EPHA6: variants seen among roughly 807,000 people sequenced by gnomAD.
The protein encoded by EPHA6 is EPH receptor A6.
EPHA6 carries 50 observed loss-of-function variants against 112.0 expected under a neutral mutation model. The observed-to-expected ratio is 0.45, with a 90% CI of 0.36 to 0.56. The LOEUF is 0.56. Among genes scored for constraint, EPHA6 ranks in the 20% least tolerant of loss-of-function variants. The pLI is 0.00. For synonymous variants in EPHA6, 529 were observed against 490.7 expected (o/e 1.08, Z -1.03); for missense variants, 1,280 against 1,417.4 (o/e 0.90, Z 1.56).
rs2036127522 is a variant in EPHA6 at position 97,760,335 on chromosome 3, G to GATATATATATATATATTAT, written c.*11641_*11659dup. 1.9e-5 allele frequency: 3 copies of GATATATATATATATATTAT among 156,314 alleles called. No homozygotes were observed. The highest frequency in any genetic ancestry group is 4.1e-5 in the Non-Finnish European group (3 of 73,210). The allele number at this position is 156,314 out of a possible 1,614,324, so 9.7% of individuals were successfully genotyped here. A position where few individuals can be genotyped will look rare whatever the true frequency, so the allele number is the denominator to read the frequency against. On this transcript the variant is annotated 3_prime_UTR_variant, in exon 18 of 18. Coordinates refer to ENST00000389672, the MANE Select transcript of EPHA6 (RefSeq NM_001080448.3). Reference sequence around the variant, plus strand: ...TTGTGCTTGGTGCTTTGTTTCTGGAGATATATATATATATATTATATATAT... The same window carrying GATATATATATATATATTAT: ...TTGTGCTTGGTGCTTTGTTTCTGGAGATATATATATATATATTATATATATATATATATATTATATATAT...
chr3:97,664,090 G>T (rs1227512749), intron 14 of EPHA6, among the ~76,000 whole-genome samples: 2 of 152,182 alleles, frequency 1.3e-5, no homozygotes, highest in Non-Finnish European at 2.9e-5. Context: ...GACCAGTGAT[G>T]ATGAGCATTT....
intron 3 of EPHA6, among the ~76,000 whole-genome samples, chr3:97,095,788 A>G (rs1287445522): frequency 6.6e-6 from 1 of 151,978 alleles, no homozygotes; most frequent in South Asian, 2.1e-4. Flanking sequence ...CAAGCAAACA[A>G]AAAAACATAT....
chr3:97,635,214 A>C (rs1397364546), intron 13 of EPHA6, among the ~76,000 whole-genome samples: 1 of 152,130 alleles, frequency 6.6e-6, no homozygotes, highest in African/African-American at 2.4e-5. Context: ...GTCCTATAAA[A>C]GAACATAAAG....
chr3:97,267,557 A>G (rs2079728058), intron 5 of EPHA6, among the ~76,000 whole-genome samples: 1 of 152,166 alleles, frequency 6.6e-6, no homozygotes. Context: ...GCATAAACGA[A>G]AAAAATCTTA....
At chr3:97,326,784 G>A (rs140814152) in intron 5 of EPHA6, among the ~76,000 whole-genome samples, 44 of 152,162 alleles carry the variant, frequency 2.9e-4, no homozygotes, top group African/African-American at 9.6e-4. Context: ...ATAGTAGAAG[G>A]CATGGGAAAT....
At chr3:97,356,638 T>G (rs773033465) in intron 5 of EPHA6, among the ~76,000 whole-genome samples, 1 of 152,240 alleles carries the variant, frequency 6.6e-6, no homozygotes, top group Non-Finnish European at 1.5e-5. Context: ...ATGTATAACT[T>G]CACCCTATTG....
chr3:96,983,659 G>C (rs938186428), intron 2 of EPHA6, among the ~76,000 whole-genome samples: 1 of 152,154 alleles, frequency 6.6e-6, no homozygotes, highest in African/African-American at 2.4e-5. Flanking sequence ...TTCCAACTTG[G>C]TTCCATTCTC....
chr3:97,134,229 A>G (rs923708109), intron 3 of EPHA6, among the ~76,000 whole-genome samples: 3 of 152,084 alleles, frequency 2.0e-5, no homozygotes, highest in Middle Eastern at 3.2e-3. Context: ...TCAATATACT[A>G]TTTCTGAAGC....
chr3:97,641,575 T>C (rs1276748235), intron 14 of EPHA6, among the ~76,000 whole-genome samples: 1 of 152,200 alleles, frequency 6.6e-6, no homozygotes, highest in Non-Finnish European at 1.5e-5. Flanking sequence ...CGCAGGATAG[T>C]GGGTGCAGCG....
intron 5 of EPHA6, among the ~76,000 whole-genome samples, chr3:97,333,422 A>C (rs892843060): frequency 6.7e-5 from 10 of 150,302 alleles, no homozygotes; most frequent in African/African-American, 2.4e-4. Flanking sequence ...TGTCATCTGC[A>C]ACCAGAAAGA....
intron 2 of EPHA6, among the ~76,000 whole-genome samples, chr3:96,894,161 A>G (rs2038134587): frequency 6.6e-6 from 1 of 152,152 alleles, no homozygotes; most frequent in Non-Finnish European, 1.5e-5. Flanking sequence ...GGCACAGAAA[A>G]CACCTCAGGG....
chr3:97,549,777 C>A (rs1409280961), intron 11 of EPHA6, among the ~76,000 whole-genome samples: 1 of 152,000 alleles, frequency 6.6e-6, no homozygotes, highest in Non-Finnish European at 1.5e-5. Context: ...TGCTACTGCA[C>A]TCCAGCCTGG....
intron 14 of EPHA6, among the ~76,000 whole-genome samples, chr3:97,653,281 C>A (rs938584103): frequency 5.9e-5 from 9 of 151,752 alleles, no homozygotes; most frequent in Admixed American, 1.3e-4. Context: ...AATTAATATG[C>A]AAAATATGTA....
At chr3:97,464,835 G>T (rs1290816699) in intron 7 of EPHA6, among the ~76,000 whole-genome samples, 1 of 152,150 alleles carries the variant, frequency 6.6e-6, no homozygotes, top group African/African-American at 2.4e-5. Context: ...TTGTCTCATT[G>T]TGTGAAGTTT....
At chr3:96,973,589 A>T (rs9854822) in intron 2 of EPHA6, among the ~76,000 whole-genome samples, 2,685 of 151,868 alleles carry the variant, frequency 0.018, 70 homozygotes, top group African/African-American at 0.05. Context: ...TGGGAGGCTG[A>T]GGGGGGCGGA....
At chr3:97,130,511 G>C (rs1261045824) in intron 3 of EPHA6, among the ~76,000 whole-genome samples, 1 of 151,988 alleles carries the variant, frequency 6.6e-6, no homozygotes, top group Non-Finnish European at 1.5e-5. Context: ...TTTTATGACT[G>C]TCCTGAATGC....
Position 97,753,094 on chromosome 3 carries a change from T to C in EPHA6, c.*4393T>C, listed in dbSNP as rs551015350. Among the ~76,000 whole-genome samples the C allele has an allele frequency of 6.6e-6, 1 of 152,296 alleles. No homozygotes were observed. The highest frequency in any genetic ancestry group is 2.4e-5 in the African/African-American group (1 of 41,572). On this transcript the variant is annotated 3_prime_UTR_variant, in exon 18 of 18. Transcript: ENST00000389672. Reference sequence around the variant, plus strand: ...TAAGTCACCTAACTTTTGGTTTTTATAAGCAACATTTTCAACAATTTTTCA... The same window carrying C: ...TAAGTCACCTAACTTTTGGTTTTTACAAGCAACATTTTCAACAATTTTTCA...
intron 3 of EPHA6, among the ~76,000 whole-genome samples, chr3:97,053,093 C>T (rs148940680): frequency 6.6e-5 from 10 of 152,030 alleles, no homozygotes; most frequent in Admixed American, 2.6e-4. Context: ...ATTAATTAAG[C>T]GACTTATATA....
At chr3:96,935,761 A>ATGTG (rs141358511) in intron 2 of EPHA6, among the ~76,000 whole-genome samples, 1 of 147,858 alleles carries the variant, frequency 6.8e-6, no homozygotes, top group Admixed American at 6.8e-5. Flanking sequence ...CATTATATAT[A>ATGTG]TGTGTGTGTG....
Sources: allele counts gnomAD v4.1 joint callset (sites outside exome capture counted in the v4.1 genomes callset), GRCh38; gene constraint gnomAD v4.1.1; transcripts MANE v1.5; gene names NCBI Gene and HGNC (gene_info 2026-07-23, HGNC 2026-07-21).